Variants in SLC5A4 observed in about 807,000 individuals in gnomAD.
SLC5A4 encodes solute carrier family 5 member 4.
In SLC5A4, 55 loss-of-function variants were observed where a neutral mutation model predicts 70.3. That is an observed-to-expected ratio of 0.78 (90% CI 0.63 to 0.98). SLC5A4 has a LOEUF of 0.98. Among genes scored for constraint, SLC5A4 ranks in the 50% least tolerant of loss-of-function variants. The probability of loss-of-function intolerance (pLI) is 0.00; values close to 1 mark genes in which losing one functional copy is unlikely to be tolerated. For synonymous variants in SLC5A4, 268 were observed against 305.7 expected (o/e 0.88, Z 1.29); for missense variants, 735 against 839.2 (o/e 0.88, Z 1.53).
At chr22:32,271,827 C>A in the SLC5A4 span, 1 of 606,958 alleles carries the variant, frequency 1.6e-6, no homozygotes, top group East Asian at 4.3e-5. Context: ...TATGATTCCC[C>A]GTGGCCTGTC....
chr22:32,308,930 ATTCC>A, the SLC5A4 span, among the ~76,000 whole-genome samples: 180 of 152,214 alleles, frequency 1.2e-3, 1 homozygote, highest in African/African-American at 4.0e-3. Flanking sequence ...CAGGTCTGTT[ATTCC>A]TTCCTTCCTT....
chr22:32,229,674 CG>C (rs1925631359), intron 10 of SLC5A4, among the ~76,000 whole-genome samples: 1 of 151,944 alleles, frequency 6.6e-6, no homozygotes, highest in African/African-American at 2.4e-5. Flanking sequence ...GGGGTGGCAG[CG>C]GGGATGGTTA....
the SLC5A4 span, among the ~76,000 whole-genome samples, chr22:32,291,728 A>C: frequency 3.3e-5 from 5 of 151,882 alleles, no homozygotes; most frequent in Admixed American, 6.6e-5. Context: ...CTTATACTCA[A>C]ATGTATTCTA....
the SLC5A4 span, among the ~76,000 whole-genome samples, chr22:32,351,071 GCAA>G: frequency 6.6e-6 from 1 of 152,094 alleles, no homozygotes; most frequent in South Asian, 2.1e-4. Context: ...TTTTCCTGTT[GCAA>G]CGATGTGATG....
rs750052634 is a variant in SLC5A4, at chr22:32,230,967, C to T, written c.1129+1G>A. ...CTGTCCCAGCAGGGACATTTTCCTACCTTGGGGCATCAGTTCCAGCACCAT... is the reference window on the plus strand; with the variant it reads ...CTGTCCCAGCAGGGACATTTTCCTATCTTGGGGCATCAGTTCCAGCACCAT... On this transcript the variant is annotated splice_donor_variant, in intron 10 of 14. Transcript: ENST00000266086. LOFTEE classifies it high-confidence loss of function. 4 of 1,605,958 alleles carry T rather than the reference C, an allele frequency of 2.5e-6. No homozygotes were observed. Among genetic ancestry groups the T allele is most frequent in the Non-Finnish European group, 3.4e-6 (4 of 1,172,522 alleles).
chr22:32,247,431 A>G lies in SLC5A4; in HGVS notation c.457T>C (p.Cys153Arg), dbSNP rs773899739. The G allele has an allele frequency of 6.2e-7, 1 of 1,612,798 alleles. No individual in the cohort carries two copies. Among genetic ancestry groups the G allele is most frequent in the African/African-American group, 1.3e-5 (1 of 75,030 alleles). ...VYLSILSLFI[C>R]VVLLISADIF... ...CTCACAGAAATTAACAAAACCACAC[A>G]GATGAAGAGGGAGAGGATGGAGAGG... The change falls in exon 5 of 15, where the codon TGT (cysteine) becomes CGT (arginine). Residue 153 changes from cysteine (C) to arginine (R), a missense_variant. By Grantham distance (180) the Cys-to-Arg change is radical (BLOSUM62 -3). Coordinates refer to ENST00000266086, the MANE Select transcript of SLC5A4 (RefSeq NM_014227.3).
the SLC5A4 span, among the ~76,000 whole-genome samples, chr22:32,300,690 G>A: frequency 3.3e-5 from 5 of 152,152 alleles, no homozygotes; most frequent in African/African-American, 1.2e-4. Context: ...TTTTCATTAA[G>A]CATAATATCT....
chr22:32,346,916 C>T, the SLC5A4 span, among the ~76,000 whole-genome samples: 1 of 150,896 alleles, frequency 6.6e-6, no homozygotes, highest in South Asian at 2.1e-4. Context: ...AGTGAACAGG[C>T]AACCTACAAA....
intron 7 of SLC5A4, 24 bp from the exon 8 acceptor site, chr22:32,235,117 G>A (rs768734598): frequency 6.5e-7 from 1 of 1,532,696 alleles, no homozygotes; most frequent in South Asian, 1.1e-5. Flanking sequence ...AGAGTAAAAT[G>A]AGATGTCTTA....
rs368352730 is a variant in SLC5A4 at position 32,239,029 on chromosome 22, G to A, written c.539C>T (p.Ala180Val). The change falls in exon 6 of 15, where the codon GCA (alanine) becomes GTA (valine). Residue 180 changes from alanine to valine, a missense_variant. Transcript: ENST00000266086. ...AGTCATAGCCAAGAGGATGAAGATTGCCAGGTAAAGGTCCAATCCCAAGGC... is the reference window on the plus strand; with the variant it reads ...AGTCATAGCCAAGAGGATGAAGATTACCAGGTAAAGGTCCAATCCCAAGGC... ...KLALGLDLYL[A>V]IFILLAMTAV... 1 of 1,613,898 alleles carries A rather than the reference G, an allele frequency of 6.2e-7. No homozygotes were observed. The highest frequency in any genetic ancestry group is 8.5e-7 in the Non-Finnish European group (1 of 1,179,920).
chr22:32,221,015 C>T lies in SLC5A4; in HGVS notation c.1673G>A (p.Arg558His), dbSNP rs74530943. 3.1e-3 allele frequency: 4,938 copies of T among 1,611,174 alleles called. 31 individuals carry two copies. The highest frequency in any genetic ancestry group is 0.015 in the South Asian group (1,396 of 91,010). The change falls in exon 14 of 15, where the codon CGC (arginine) becomes CAC (histidine). Residue 558 changes from arginine to histidine, a missense_variant. Physicochemically the swap from Arg to His is conservative, Grantham distance 29. Transcript: ENST00000266086. ...ACTGTTCCGAAGAACCCAGCACAGGCGGTACAGCTGAACAGGGACCATACA... is the reference window on the plus strand; with the variant it reads ...ACTGTTCCGAAGAACCCAGCACAGGTGGTACAGCTGAACAGGGACCATACA... ...TKPIPDVHLY[R>H]LCWVLRNSTE...
the SLC5A4 span, among the ~76,000 whole-genome samples, chr22:32,316,934 C>CTGTGTGTGTGTGTGTGTGTGTGTGTGTG: frequency 3.4e-5 from 5 of 148,618 alleles, no homozygotes; most frequent in African/African-American, 5.0e-5. Context: ...ATTAACAACT[C>CTGTGTGTGTGTGTGTGTGTGTGTGTGTG]TGTGTGTGTG....
the SLC5A4 span, among the ~76,000 whole-genome samples, chr22:32,291,887 T>C: frequency 2.8e-5 from 4 of 144,422 alleles, no homozygotes; most frequent in African/African-American, 1.0e-4. Flanking sequence ...TCTTTTTTTT[T>C]TTGGAGATGG....
At chr22:32,331,071 ATGTGTTGAAGGCTCTGGTGTGTG>A in the SLC5A4 span, among the ~76,000 whole-genome samples, 1 of 21,458 alleles carries the variant, frequency 4.7e-5, no homozygotes, top group Admixed American at 6.0e-4. Context: ...TCTGGTGTGT[ATGTGTTGAAGGCTCTGGTGTGTG>A]TGTGTTGGAG....
the SLC5A4 span, among the ~76,000 whole-genome samples, chr22:32,312,630 C>T: frequency 0.039 from 5,925 of 152,100 alleles, 374 homozygotes; most frequent in African/African-American, 0.13. Context: ...TCCCCTGCAC[C>T]CCCAGCCCCT....
chr22:32,329,373 GTA>G, the SLC5A4 span, among the ~76,000 whole-genome samples: 2 of 152,220 alleles, frequency 1.3e-5, no homozygotes, highest in Non-Finnish European at 1.5e-5. Flanking sequence ...CTCAAGAAAT[GTA>G]TGTCTATTGA....
At chr22:32,316,546 T>A in the SLC5A4 span, among the ~76,000 whole-genome samples, 3 of 152,066 alleles carry the variant, frequency 2.0e-5, no homozygotes, top group Non-Finnish European at 2.9e-5. Context: ...TTACTTTTTT[T>A]AAAGACAGAG....
At chr22:32,224,657 A>T (rs971798882) in intron 12 of SLC5A4, among the ~76,000 whole-genome samples, 175 bp from the exon 13 acceptor site, 10 of 152,128 alleles carry the variant, frequency 6.6e-5, no homozygotes, top group Non-Finnish European at 1.2e-4. Flanking sequence ...TCTTAGTTGG[A>T]TGCTGCTTTC....
chr22:32,336,203 T>C, the SLC5A4 span, among the ~76,000 whole-genome samples: 2 of 152,124 alleles, frequency 1.3e-5, no homozygotes, highest in African/African-American at 4.8e-5. Context: ...CACTCCTCTC[T>C]GTAGGATCTC....
Sources: gnomAD v4.1 joint callset for allele counts (sites outside exome capture counted in the v4.1 genomes callset) on GRCh38, gnomAD v4.1.1 for gene constraint, MANE v1.5 for transcripts, NCBI Gene and HGNC (gene_info 2026-07-23, HGNC 2026-07-21) for gene names.